Variants in EPHA6 observed in about 807,000 individuals in gnomAD.
EPHA6 encodes the protein ephrin type-A receptor 6.
In EPHA6, 50 loss-of-function variants were observed where a neutral mutation model predicts 112.0. That is an observed-to-expected ratio of 0.45 (90% CI 0.36 to 0.56). The LOEUF (loss-of-function observed/expected upper bound fraction) is 0.56. Among genes scored for constraint, EPHA6 ranks in the 20% least tolerant of loss-of-function variants. The pLI is 0.00. For missense variants in EPHA6, 1,280 were observed against 1,417.4 expected (o/e 0.90, Z 1.56); for synonymous variants, 529 against 490.7 (o/e 1.08, Z -1.03).
chr3:97,276,184 C>T (rs192375463), intron 5 of EPHA6, among the ~76,000 whole-genome samples: 71 of 152,130 alleles, frequency 4.7e-4, no homozygotes, highest in African/African-American at 1.5e-3. Flanking sequence ...GAGAGTTACC[C>T]GAAGCCTGGC....
chr3:97,357,810 G>A (rs1459462025), intron 5 of EPHA6, among the ~76,000 whole-genome samples: 2 of 152,110 alleles, frequency 1.3e-5, no homozygotes, highest in Non-Finnish European at 2.9e-5. Flanking sequence ...GTAAGCTAGA[G>A]AAAACAAAAT....
intron 7 of EPHA6, among the ~76,000 whole-genome samples, chr3:97,450,385 C>G (rs184597226): frequency 3.3e-5 from 5 of 151,984 alleles, no homozygotes. Context: ...TTGCACTTCT[C>G]TTACTTTATT....
At chr3:96,948,950 C>A (rs906685781) in intron 2 of EPHA6, among the ~76,000 whole-genome samples, 1 of 152,110 alleles carries the variant, frequency 6.6e-6, no homozygotes, top group Non-Finnish European at 1.5e-5. Flanking sequence ...GTGACTGGGA[C>A]ATTTGGAGGT....
At chr3:97,463,003 T>C (rs1225833921) in intron 7 of EPHA6, among the ~76,000 whole-genome samples, 1 of 152,146 alleles carries the variant, frequency 6.6e-6, no homozygotes, top group Non-Finnish European at 1.5e-5. Context: ...GTCCCAAACA[T>C]ATATATAACT....
rs1009935695 is a variant in EPHA6 at position 97,758,398 on chromosome 3, T to C, written c.*9697T>C. ...ATTAAAGGAGATCATGTCTCCTTAC[T>C]GGTCCAAAATTGTATAATTCCTAAA... On this transcript the variant is annotated 3_prime_UTR_variant, in exon 18 of 18. Coordinates refer to ENST00000389672, the MANE Select transcript of EPHA6 (RefSeq NM_001080448.3). 6.6e-6 allele frequency among the ~76,000 whole-genome samples: 1 copy of C among 152,032 alleles called. No individual in the cohort carries two copies. Among genetic ancestry groups the C allele is most frequent in the African/African-American group, 2.4e-5 (1 of 41,444 alleles).
At chr3:97,595,544 C>T (rs1399679366) in intron 12 of EPHA6, among the ~76,000 whole-genome samples, 2 of 151,978 alleles carry the variant, frequency 1.3e-5, no homozygotes, top group African/African-American at 4.8e-5. Flanking sequence ...ACTTGGGAGG[C>T]TGAGGCAGAG....
At chr3:97,624,102 C>A (rs1310757715) in intron 13 of EPHA6, among the ~76,000 whole-genome samples, 4 of 151,652 alleles carry the variant, frequency 2.6e-5, no homozygotes, top group Non-Finnish European at 5.9e-5. Flanking sequence ...GCCATCCTGG[C>A]CCTCTTCATT....
chr3:96,994,671 CCTG>C (rs1422839534), intron 3 of EPHA6, among the ~76,000 whole-genome samples: 1 of 142,582 alleles, frequency 7.0e-6, no homozygotes, highest in African/African-American at 2.6e-5. Context: ...AAATTTTAGA[CCTG>C]CTGAGAATGT....
At chr3:97,192,837 T>C (rs192365182) in intron 3 of EPHA6, among the ~76,000 whole-genome samples, 2 of 152,278 alleles carry the variant, frequency 1.3e-5, no homozygotes, top group East Asian at 3.9e-4. Flanking sequence ...CATTCTTCTG[T>C]ATATGGATAT....
At chr3:97,407,087 G>A (rs1248332058) in intron 6 of EPHA6, among the ~76,000 whole-genome samples, 1 of 151,992 alleles carries the variant, frequency 6.6e-6, no homozygotes, top group Non-Finnish European at 1.5e-5. Flanking sequence ...GTTTGAGGAT[G>A]AAAATGACTT....
Position 97,526,502 on chromosome 3 carries a change from A to G in EPHA6, c.2201-5856A>G, listed in dbSNP as rs148268358. On this transcript the variant is annotated intron_variant, in intron 10 of 17. Transcript: ENST00000389672. Reference sequence around the variant, plus strand: ...TGGCAGTGGGGGGGTGAGAACCCCAATAGATCCCTATGTGGTCAGGATTGC... The same window carrying G: ...TGGCAGTGGGGGGGTGAGAACCCCAGTAGATCCCTATGTGGTCAGGATTGC... 3.2e-4 allele frequency among the ~76,000 whole-genome samples: 49 copies of G among 152,240 alleles called. No individual in the cohort carries two copies. In the East Asian group the frequency reaches 6.8e-3, roughly 21 times the overall value.
chr3:96,965,383 T>C (rs975284047), intron 2 of EPHA6, among the ~76,000 whole-genome samples: 5 of 152,154 alleles, frequency 3.3e-5, no homozygotes, highest in Admixed American at 2.0e-4. Flanking sequence ...CTAATGGGCC[T>C]AAAATGTTAC....
At position 97,196,166 on chromosome 3, in the gene EPHA6, G is replaced by GT. The variant is rs796998835; in HGVS notation, c.1115-30088dup. Among the ~76,000 whole-genome samples, 709 of 142,614 alleles carry GT rather than the reference G, an allele frequency of 5.0e-3. 6 individuals are homozygous for GT. Among genetic ancestry groups the GT allele is most frequent in the African/African-American group, 0.015 (600 of 38,918 alleles). The allele number at this position is 142,614 out of a possible 152,430, so 93.6% of individuals were successfully genotyped here. A position where few individuals can be genotyped will look rare whatever the true frequency, so the allele number is the denominator to read the frequency against. ...CTAGATCTCGTAGGCATTCTTCCTT[G>GT]TTTTTTTTTTCTTTTGTCTCCATTT... is the stretch of plus-strand genomic sequence containing the variant. On this transcript the variant is annotated intron_variant, in intron 3 of 17. Coordinates refer to ENST00000389672, the MANE Select transcript of EPHA6 (RefSeq NM_001080448.3).
At chr3:97,195,809 A>G (rs1428348419) in intron 3 of EPHA6, among the ~76,000 whole-genome samples, 1 of 152,040 alleles carries the variant, frequency 6.6e-6, no homozygotes, top group African/African-American at 2.4e-5. Context: ...ATGTCATGGC[A>G]GTCTCTCTTG....
chr3:97,018,098 C>G (rs2044326446), intron 3 of EPHA6, among the ~76,000 whole-genome samples: 1 of 151,378 alleles, frequency 6.6e-6, no homozygotes, highest in South Asian at 2.1e-4. Flanking sequence ...CTTCATTTGT[C>G]CATCACATTT....
At chr3:96,889,104 C>T (rs1182785668) in intron 2 of EPHA6, among the ~76,000 whole-genome samples, 3 of 152,124 alleles carry the variant, frequency 2.0e-5, no homozygotes, top group Non-Finnish European at 2.9e-5. Context: ...CCAACAAGTT[C>T]CTCATTTGCA....
At chr3:96,815,732 A>C (rs186205015) in intron 1 of EPHA6, among the ~76,000 whole-genome samples, 4 of 152,298 alleles carry the variant, frequency 2.6e-5, no homozygotes, top group Admixed American at 2.6e-4. Context: ...AATAGTGGTT[A>C]AAAAGTGATG....
intron 3 of EPHA6, among the ~76,000 whole-genome samples, chr3:96,993,312 T>TA (rs1214744047): frequency 2.0e-5 from 3 of 151,086 alleles, no homozygotes; most frequent in Non-Finnish European, 4.4e-5. Context: ...TTTTTTTTTT[T>TA]AATGAGACAG....
chr3:96,896,587 T>G (rs914829947), intron 2 of EPHA6, among the ~76,000 whole-genome samples: 3 of 152,194 alleles, frequency 2.0e-5, no homozygotes, highest in Non-Finnish European at 4.4e-5. Context: ...TGGCATCAGG[T>G]CTCCATCACG....
Sources: gnomAD v4.1 joint callset for allele counts (sites outside exome capture counted in the v4.1 genomes callset) on GRCh38, gnomAD v4.1.1 for gene constraint, MANE v1.5 for transcripts, NCBI Gene and HGNC (gene_info 2026-07-23, HGNC 2026-07-21) for gene names.